The following CNGB3 variants were observed in gnomAD, a reference collection of about 807,000 sequenced individuals.
CNGB3 encodes cyclic nucleotide gated channel subunit beta 3, also known as cyclic nucleotide-gated channel beta-3.
A neutral mutation model predicts 92.8 loss-of-function variants in CNGB3; 86 were observed. The observed-to-expected ratio is 0.93, with a 90% confidence interval of 0.78 to 1.11. The LOEUF (loss-of-function observed/expected upper bound fraction) is 1.11, where lower values mean the gene tolerates loss of function less well. Ranked by LOEUF, CNGB3 falls within the 50% of genes least tolerant of loss-of-function variation. CNGB3 has a pLI of 0.00. For synonymous variants in CNGB3, 333 were observed against 332.7 expected (o/e 1.00, Z -0.01); for missense variants, 1,026 against 956.8 (o/e 1.07, Z -0.95).
rs919248213 is a variant in CNGB3 at position 86,660,730 on chromosome 8, A to G, written c.852+6195T>C. 5.3e-5 allele frequency: 28 copies of G among 528,338 alleles called. No individual in the cohort carries two copies. In the African/African-American group the frequency reaches 5.4e-4, roughly 10 times the overall value. 32.7% of individuals were successfully genotyped at this position (528,338 alleles called of 1,614,324 possible). On this transcript the variant is annotated intron_variant, in intron 6 of 17. Transcript: ENST00000320005. ...TACACAGTGCTCCCCCATCCAATAC[A>G]TATCCTCCTGAGAGAACAGGTAACA... is the stretch of plus-strand genomic sequence containing the variant.
At chr8:86,606,145 G>A (rs1369823812) in intron 14 of CNGB3, among the ~76,000 whole-genome samples, 3 of 107,634 alleles carry the variant, frequency 2.8e-5, no homozygotes, top group African/African-American at 3.7e-5. Flanking sequence ...TTTTGGGGTT[G>A]GTTTTTTTTT....
intron 10 of CNGB3, among the ~76,000 whole-genome samples, chr8:86,633,133 A>C (rs1382210346): frequency 6.6e-6 from 1 of 152,186 alleles, no homozygotes; most frequent in African/African-American, 2.4e-5. Context: ...TGGTAGTCTA[A>C]ATAACCACCA....
intron 9 of CNGB3, 95 bp downstream of exon 9, chr8:86,644,527 T>C: frequency 6.7e-7 from 1 of 1,500,852 alleles, no homozygotes; most frequent in Non-Finnish European, 9.0e-7. Flanking sequence ...ATATCCTTTT[T>C]TTGAAGAGGG....
chr8:86,635,032 G>T (rs908808340), intron 10 of CNGB3, among the ~76,000 whole-genome samples: 3 of 151,324 alleles, frequency 2.0e-5, no homozygotes, highest in African/African-American at 4.9e-5. Context: ...GGTAGGGCTT[G>T]AAAACCACTA....
chr8:86,723,394 T>C (rs1348270954), intron 3 of CNGB3, among the ~76,000 whole-genome samples: 1 of 152,176 alleles, frequency 6.6e-6, no homozygotes, highest in Admixed American at 6.6e-5. Context: ...GAAAGAGCTT[T>C]TTAAAACCTG....
At chr8:86,687,948 C>T (rs1824221610) in intron 3 of CNGB3, among the ~76,000 whole-genome samples, 1 of 151,750 alleles carries the variant, frequency 6.6e-6, no homozygotes, top group African/African-American at 2.4e-5. Context: ...AATTCAATAT[C>T]GAAATGAAAA....
intron 15 of CNGB3, among the ~76,000 whole-genome samples, chr8:86,598,199 A>C (rs1822215799): frequency 6.6e-6 from 1 of 152,170 alleles, no homozygotes; most frequent in Non-Finnish European, 1.5e-5. Flanking sequence ...CTGTGTTTCC[A>C]AAAGATCCCT....
intron 15 of CNGB3, among the ~76,000 whole-genome samples, chr8:86,581,521 C>T (rs949449739): frequency 2.0e-5 from 3 of 152,126 alleles, no homozygotes; most frequent in Non-Finnish European, 4.4e-5. Flanking sequence ...GTTCTCCATA[C>T]CGCAGGCCTA....
At chr8:86,617,524 G>A (rs891291979) in intron 13 of CNGB3, among the ~76,000 whole-genome samples, 22 of 152,274 alleles carry the variant, frequency 1.4e-4, no homozygotes, top group Middle Eastern at 3.4e-3. Flanking sequence ...TTGACTATGC[G>A]AGGCATGATA....
intron 3 of CNGB3, among the ~76,000 whole-genome samples, chr8:86,716,354 A>T (rs1156793678): frequency 1.3e-5 from 2 of 152,226 alleles, no homozygotes; most frequent in African/African-American, 4.8e-5. Flanking sequence ...CAGACATCCA[A>T]ATACAAGAAG....
intron 3 of CNGB3, among the ~76,000 whole-genome samples, chr8:86,699,150 A>G (rs1339953389): frequency 6.6e-6 from 1 of 152,042 alleles, no homozygotes; most frequent in Non-Finnish European, 1.5e-5. Flanking sequence ...CCACAACTGG[A>G]TTTTTCTTCT....
At position 86,676,243 on chromosome 8, in the gene CNGB3, A is replaced by G. The variant is rs1434444911; in HGVS notation, c.339-5145T>C. ...GGAGAGATGACTAATTTTGATGAGC[A>G]TGGTAACATGAGTGGGTGGTGATCT... On this transcript the variant is annotated intron_variant, in intron 3 of 17. Transcript: ENST00000320005. Among the ~76,000 whole-genome samples, 3 of 152,270 alleles carry G rather than the reference A, an allele frequency of 2.0e-5. No homozygotes were observed. In the East Asian group the frequency reaches 5.8e-4, roughly 29 times the overall value.
chr8:86,597,842 G>A (rs1002386779), intron 15 of CNGB3, among the ~76,000 whole-genome samples: 6 of 152,100 alleles, frequency 3.9e-5, no homozygotes, highest in South Asian at 2.1e-4. Context: ...AGCTGCGCAC[G>A]ATGGCGAAAC....
chr8:86,705,279 T>C (rs1824632155), intron 3 of CNGB3, among the ~76,000 whole-genome samples: 1 of 152,118 alleles, frequency 6.6e-6, no homozygotes, highest in East Asian at 1.9e-4. Flanking sequence ...TTAAGTTTTG[T>C]TTGGTCCTTT....
intron 3 of CNGB3, among the ~76,000 whole-genome samples, chr8:86,677,023 G>A (rs1033758018): frequency 1.3e-5 from 2 of 152,156 alleles, no homozygotes; most frequent in Non-Finnish European, 2.9e-5. Flanking sequence ...GAGAAGAGAC[G>A]CAAGGAGAAT....
intron 13 of CNGB3, 41 bp downstream of exon 13, chr8:86,625,942 G>T: frequency 1.4e-6 from 2 of 1,472,270 alleles, no homozygotes; most frequent in South Asian, 1.1e-5. Flanking sequence ...AGATTCCATA[G>T]AGAAATAGAT....
At chr8:86,659,365 A>T (rs1247429097) in intron 6 of CNGB3, 6 of 936,860 alleles carry the variant, frequency 6.4e-6, no homozygotes, top group Non-Finnish European at 1.1e-5. Flanking sequence ...GGGGGTTCAC[A>T]CTGGCTTGAG....
intron 3 of CNGB3, among the ~76,000 whole-genome samples, chr8:86,674,350 CA>C (rs1163173090): frequency 6.6e-6 from 1 of 152,208 alleles, no homozygotes; most frequent in Non-Finnish European, 1.5e-5. Context: ...GCAAGCATAT[CA>C]AATACATATC....
intron 6 of CNGB3, chr8:86,657,865 A>T: frequency 1.9e-6 from 1 of 536,166 alleles, no homozygotes; most frequent in South Asian, 1.4e-5. Context: ...AGTGTGATGT[A>T]CTTTCCTGCG....
Sources: allele counts gnomAD v4.1 joint callset (sites outside exome capture counted in the v4.1 genomes callset), GRCh38; gene constraint gnomAD v4.1.1; transcripts MANE v1.5; gene names NCBI Gene and HGNC (gene_info 2026-07-23, HGNC 2026-07-21).